SMC1B: variants seen among roughly 807,000 people sequenced by gnomAD.
SMC1B encodes the protein structural maintenance of chromosomes protein 1B.
Under a neutral mutation model 157.9 loss-of-function variants are expected in SMC1B, and 60 were observed. That is an observed-to-expected ratio of 0.38 (90% CI 0.31 to 0.47). The LOEUF is 0.47. Ranked by LOEUF, SMC1B falls within the 20% of genes least tolerant of loss-of-function variation. The pLI, the probability that SMC1B is intolerant of heterozygous loss-of-function variation, is 0.99. For synonymous variants in SMC1B, 445 were observed against 483.0 expected, an observed-to-expected ratio of 0.92 and a Z score of 1.03; for missense variants, 1,165 against 1,426.2, an observed-to-expected ratio of 0.82 and a Z score of 2.95.
intron 1 of SMC1B, among the ~76,000 whole-genome samples, chr22:45,412,277 T>G (rs774719254): frequency 1.3e-4 from 20 of 151,824 alleles, no homozygotes; most frequent in Admixed American, 2.6e-4. Flanking sequence ...CTTGGCTCAC[T>G]GCAACCTCTG....
intron 12 of SMC1B, among the ~76,000 whole-genome samples, chr22:45,377,542 G>A (rs2086894814): frequency 6.6e-6 from 1 of 151,720 alleles, no homozygotes; most frequent in African/African-American, 2.4e-5. Context: ...GCAGGCTGAG[G>A]CAGGAGAATT....
rs768128694 is a variant in SMC1B, at chr22:45,406,656, A to C, written c.419T>G (p.Val140Gly). ...AQNCLVFQGT[V>G]ESISVKKPKE... Reference sequence around the variant, plus strand: ...GGGTTTCTTCACTGAAATTGACTCTACAGTTCCCTTTTAAAAACAGTAATG... The same window carrying C: ...GGGTTTCTTCACTGAAATTGACTCTCCAGTTCCCTTTTAAAAACAGTAATG... Residue 140 changes from valine (V) to glycine (G), a missense_variant, in exon 4 of 25, where the codon GTA becomes GGA. Coordinates refer to ENST00000357450, the MANE Select transcript of SMC1B (RefSeq NM_148674.5). The C allele has an allele frequency of 6.2e-7, 1 of 1,607,922 alleles. No individual in the cohort carries two copies.
chr22:45,396,286 A>G (rs1362291731), intron 7 of SMC1B, 60 bp downstream of exon 7: 3 of 1,472,988 alleles, frequency 2.0e-6, no homozygotes, highest in Non-Finnish European at 2.8e-6. Context: ...GACAGGTACA[A>G]AAAGGAAATA....
chr22:45,352,050 G>A (rs1194304128), intron 22 of SMC1B, among the ~76,000 whole-genome samples: 1 of 152,004 alleles, frequency 6.6e-6, no homozygotes, highest in Non-Finnish European at 1.5e-5. Flanking sequence ...TTCTAAAATG[G>A]AATAGTAGTA....
At chr22:45,408,946 G>C (rs2087296674) in intron 1 of SMC1B, 48 bp from the exon 2 acceptor site, 1 of 1,211,264 alleles carries the variant, frequency 8.3e-7, no homozygotes, top group South Asian at 1.7e-5. Context: ...ATGATAAAAA[G>C]CCCTACCCAG....
intron 23 of SMC1B, among the ~76,000 whole-genome samples, chr22:45,349,015 ATTT>A (rs1183927337): frequency 4.0e-5 from 4 of 99,682 alleles, no homozygotes; most frequent in Admixed American, 1.1e-4. Context: ...ACAAGGACTG[ATTT>A]TTTTTTTTTT....
At position 45,367,546 on chromosome 22, in the gene SMC1B, G is replaced by A. The variant is rs2086788635; in HGVS notation, c.2420+2408C>T. Among the ~76,000 whole-genome samples the A allele has an allele frequency of 3.9e-5, 6 of 152,198 alleles. No individual in the cohort carries two copies. In the South Asian group the frequency reaches 1.2e-3, roughly 31 times the overall value. ...CTAATTTGGTGTCTCCTTTGACCAAGTTACACAGCAGAGTTTCCTGGACTG... is the reference window on the plus strand; with the variant it reads ...CTAATTTGGTGTCTCCTTTGACCAAATTACACAGCAGAGTTTCCTGGACTG... On this transcript the variant is annotated intron_variant, in intron 15 of 24. Coordinates refer to ENST00000357450, the MANE Select transcript of SMC1B (RefSeq NM_148674.5).
chr22:45,401,491 T>C (rs1805216436), intron 5 of SMC1B, among the ~76,000 whole-genome samples: 1 of 152,264 alleles, frequency 6.6e-6, no homozygotes, highest in Non-Finnish European at 1.5e-5. Flanking sequence ...GTAGAAAAGC[T>C]GGCAAACATG....
intron 4 of SMC1B, among the ~76,000 whole-genome samples, chr22:45,404,881 T>C (rs991737703): frequency 3.3e-5 from 5 of 152,204 alleles, no homozygotes. Flanking sequence ...AGAATAAATC[T>C]CTTCAAATAT....
intron 17 of SMC1B, 89 bp downstream of exon 17, chr22:45,361,750 A>C (rs2086723695): frequency 1.6e-6 from 2 of 1,287,666 alleles, no homozygotes; most frequent in Non-Finnish European, 2.2e-6. Flanking sequence ...GCACATATTC[A>C]AATGCAACTC....
intron 17 of SMC1B, among the ~76,000 whole-genome samples, chr22:45,361,510 C>T (rs536465960): frequency 3.9e-5 from 6 of 152,228 alleles, no homozygotes; most frequent in African/African-American, 1.4e-4. Flanking sequence ...CCTGTAGTCC[C>T]AGCTACTTGG....
intron 11 of SMC1B, among the ~76,000 whole-genome samples, chr22:45,384,189 A>G (rs886201560): frequency 1.3e-5 from 2 of 152,170 alleles, no homozygotes; most frequent in Non-Finnish European, 2.9e-5. Context: ...CTCTTATGAA[A>G]ACAAGTTTGT....
At chr22:45,344,750 A>G (rs2086533957) in intron 24 of SMC1B, 93 bp from the exon 25 acceptor site, 9 of 794,418 alleles carry the variant, frequency 1.1e-5, no homozygotes, top group South Asian at 9.8e-5. Context: ...ATTGCATTCA[A>G]AAGGAATCTT....
At chr22:45,381,601 C>T (rs1169223713) in intron 12 of SMC1B, among the ~76,000 whole-genome samples, 2 of 152,184 alleles carry the variant, frequency 1.3e-5, no homozygotes, top group South Asian at 2.1e-4. Flanking sequence ...CCTATATCAG[C>T]TTTTCCCAGC....
chr22:45,383,348 T>C (rs1329928212), intron 12 of SMC1B, 119 bp downstream of exon 12: 2 of 623,446 alleles, frequency 3.2e-6, no homozygotes, highest in African/African-American at 1.9e-5. Context: ...TTTTATTTCA[T>C]TCTGCATTAT....
chr22:45,402,202 T>G, intron 5 of SMC1B, 131 bp downstream of exon 5: 1 of 706,574 alleles, frequency 1.4e-6, no homozygotes, highest in Non-Finnish European at 2.4e-6. Context: ...TTTATAATTT[T>G]TCTGTATATC....
At chr22:45,368,731 G>C (rs2086799965) in intron 15 of SMC1B, among the ~76,000 whole-genome samples, 2 of 113,828 alleles carry the variant, frequency 1.8e-5, no homozygotes, top group Middle Eastern at 8.5e-3. Flanking sequence ...TGGCCAGGCT[G>C]GTCTTGAACT....
intron 11 of SMC1B, among the ~76,000 whole-genome samples, chr22:45,385,418 G>C (rs1470257509): frequency 6.6e-6 from 1 of 152,076 alleles, no homozygotes; most frequent in African/African-American, 2.4e-5. Flanking sequence ...TTCACCAGAT[G>C]ATTTCTGTGA....
chr22:45,372,031 A>T, intron 13 of SMC1B, 124 bp downstream of exon 13: 1 of 764,558 alleles, frequency 1.3e-6, no homozygotes, highest in Non-Finnish European at 2.0e-6. Context: ...TGACAGAGTG[A>T]GAGACTCTGT....
Sources: gnomAD v4.1 joint callset for allele counts (sites outside exome capture counted in the v4.1 genomes callset) on GRCh38, gnomAD v4.1.1 for gene constraint, MANE v1.5 for transcripts, NCBI Gene and HGNC (gene_info 2026-07-23, HGNC 2026-07-21) for gene names.